Variants in MACIR observed in about 807,000 individuals in gnomAD.
The protein encoded by MACIR is UNC119-binding protein C5orf30.
A neutral mutation model predicts 14.3 loss-of-function variants in MACIR; 4 were observed. The ratio of observed to expected loss-of-function variants is 0.28; its 90% CI spans 0.14 to 0.64. MACIR has a LOEUF of 0.64. MACIR is among the 30% of genes least tolerant of loss of function. The pLI, the probability that MACIR is intolerant of heterozygous loss-of-function variation, is 0.83. For synonymous variants in MACIR, 101 were observed against 102.4 expected (o/e 0.99, Z 0.08); for missense variants, 228 against 257.6 (o/e 0.89, Z 0.79).
chr5:103,262,827 G>T (rs1459399512), intron 1 of MACIR, among the ~76,000 whole-genome samples: 1 of 152,108 alleles, frequency 6.6e-6, no homozygotes, highest in Non-Finnish European at 1.5e-5. Context: ...TTTTTATGCA[G>T]CATTTAGTCT....
intron 1 of MACIR, among the ~76,000 whole-genome samples, chr5:103,264,480 C>A (rs1056053372): frequency 9.2e-5 from 14 of 151,940 alleles, no homozygotes; most frequent in African/African-American, 2.7e-4. Context: ...TGGGGAAATT[C>A]TTTGGGATAA....
intron 1 of MACIR, among the ~76,000 whole-genome samples, chr5:103,263,344 T>C (rs1554236478): frequency 1.3e-5 from 2 of 152,088 alleles, no homozygotes; most frequent in Non-Finnish European, 2.9e-5. Context: ...CTTGTGTTGC[T>C]CCCTTGGACA....
Position 103,276,048 on chromosome 5 carries a change from G to T in MACIR, c.129G>T (p.Pro43=), listed in dbSNP as rs139004073. 1 of 1,613,976 alleles carries T rather than the reference G, an allele frequency of 6.2e-7. No homozygotes were observed. The highest frequency in any genetic ancestry group is 2.2e-5 in the East Asian group (1 of 44,882). Residue 43 remains proline (P), a synonymous_variant, in exon 3 of 3, where the codon CCG becomes CCT. Transcript: ENST00000319933. The stretch of plus-strand genomic sequence containing the variant: ...GCTGCTCCAGCACACCCTGCTCCCC[G>T]ATGCGGAGGACCGTGTCAGGCTACC... ...KPRCSSTPCS[P]MRRTVSGYQI...
intron 2 of MACIR, among the ~76,000 whole-genome samples, chr5:103,266,802 T>G (rs1804937633): frequency 6.6e-6 from 1 of 152,144 alleles, no homozygotes; most frequent in Admixed American, 6.6e-5. Context: ...TTTCTAAATT[T>G]CTAGTCAGCA....
At position 103,277,839 on chromosome 5, in the gene MACIR, G is replaced by A. The variant is rs113949762; in HGVS notation, c.*1299G>A. 0.012 allele frequency: 1,951 copies of A among 166,798 alleles called. 14 individuals are homozygous for A. Among genetic ancestry groups the A allele is most frequent in the Non-Finnish European group, 0.014 (965 of 68,032 alleles). 10.3% of individuals were successfully genotyped at this position (166,798 alleles called of 1,614,324 possible). A position where few individuals can be genotyped will look rare whatever the true frequency, so the allele number is the denominator to read the frequency against. ...AATTTATTACTGAATTGGGATTTCT[G>A]GCAGCACAGAACTGCTTTTTATTTT... On this transcript the variant is annotated 3_prime_UTR_variant, in exon 3 of 3. Coordinates refer to ENST00000319933, the MANE Select transcript of MACIR (RefSeq NM_033211.4).
intron 1 of MACIR, among the ~76,000 whole-genome samples, chr5:103,261,744 G>A (rs571100152): frequency 7.1e-5 from 7 of 98,782 alleles, no homozygotes; most frequent in Admixed American, 6.7e-4. Flanking sequence ...TCTTGAAAAT[G>A]TTTTGGTGGG....
intron 2 of MACIR, among the ~76,000 whole-genome samples, chr5:103,267,241 G>T (rs561260816): frequency 6.6e-6 from 1 of 152,204 alleles, no homozygotes; most frequent in South Asian, 2.1e-4. Context: ...TATAGTATTT[G>T]CCTATAACCT....
At chr5:103,274,250 A>C (rs1298503333) in intron 2 of MACIR, among the ~76,000 whole-genome samples, 1 of 152,080 alleles carries the variant, frequency 6.6e-6, no homozygotes, top group African/African-American at 2.4e-5. Context: ...ATGGCTCTCT[A>C]AAGTTTATTA....
intron 2 of MACIR, among the ~76,000 whole-genome samples, chr5:103,268,956 G>C (rs184603241): frequency 1.3e-5 from 2 of 151,998 alleles, no homozygotes; most frequent in Non-Finnish European, 2.9e-5. Context: ...GCGGTGGCTC[G>C]CACCTGTAAT....
At chr5:103,275,824 C>A in intron 2 of MACIR, 73 bp from the exon 3 acceptor site, 1 of 1,318,484 alleles carries the variant, frequency 7.6e-7, no homozygotes. Context: ...CTCCCTGAGC[C>A]TTCTAAAAGG....
In MACIR at chr5:103,278,193, G is replaced by A. The variant is rs926207838; in HGVS notation, c.*1653G>A. 13 of 166,882 alleles carry A rather than the reference G, an allele frequency of 7.8e-5. No individual in the cohort carries two copies. Among genetic ancestry groups the A allele is most frequent in the East Asian group, 3.8e-4 (2 of 5,204 alleles). The allele number at this position is 166,882 out of a possible 1,614,324, so 10.3% of individuals were successfully genotyped here. On this transcript the variant is annotated 3_prime_UTR_variant, in exon 3 of 3. Coordinates refer to ENST00000319933, the MANE Select transcript of MACIR (RefSeq NM_033211.4). ...CACCTTTGTAACATATTGTATTGAC[G>A]AATGATCACTAAGATTAGCTATATC... is the stretch of plus-strand genomic sequence containing the variant.
Position 103,278,319 on chromosome 5 carries a change from C to T in MACIR, c.*1779C>T, listed in dbSNP as rs1805408894. The stretch of plus-strand genomic sequence containing the variant: ...AACACCATTATTTATTGACAATTTA[C>T]CCTGTGGAACTGTATTATTTCTAAC... On this transcript the variant is annotated 3_prime_UTR_variant, in exon 3 of 3. Transcript: ENST00000319933. 6.0e-6 allele frequency: 1 copy of T among 166,612 alleles called. No homozygotes were observed. The highest frequency in any genetic ancestry group is 2.4e-5 in the African/African-American group (1 of 41,382). 10.3% of individuals were successfully genotyped at this position (166,612 alleles called of 1,614,324 possible).
At chr5:103,263,714 A>G (rs958652482) in intron 1 of MACIR, among the ~76,000 whole-genome samples, 5 of 152,192 alleles carry the variant, frequency 3.3e-5, no homozygotes, top group African/African-American at 1.2e-4. Context: ...GATATTTCTA[A>G]TGTTCCTCCT....
Position 103,276,180 on chromosome 5 carries a change from C to T in MACIR, c.261C>T (p.Ala87=). Residue 87 remains alanine (A), a synonymous_variant, in exon 3 of 3, where the codon GCC becomes GCT. Transcript: ENST00000319933. ...GAGGTGAAGAGAGCAAAGCAGAAGC[C>T]ATGCCATCCTTACGCTCCAAACAGC... The part of the protein sequence containing the change: ...CTGGEESKAE[A]MPSLRSKQLD... 2 of 1,613,822 alleles carry T rather than the reference C, an allele frequency of 1.2e-6. No homozygotes were observed. Among genetic ancestry groups the T allele is most frequent in the Non-Finnish European group, 1.7e-6 (2 of 1,179,964 alleles).
chr5:103,259,871 ACT>A (rs1381215831), intron 1 of MACIR: 1 of 152,128 alleles, frequency 6.6e-6, no homozygotes, highest in African/African-American at 2.4e-5. Flanking sequence ...AAGCTGCCAA[ACT>A]CTCTCTAGTG....
Position 103,276,829 on chromosome 5 carries a change from C to G in MACIR, c.*289C>G, listed in dbSNP as rs927349408. On this transcript the variant is annotated 3_prime_UTR_variant, in exon 3 of 3. Transcript: ENST00000319933. The stretch of plus-strand genomic sequence containing the variant: ...AAAGGCTTTGGTACAGTAATTTCAT[C>G]TTTATGATTCTGACACTCAAATTGG... 4.0e-6 allele frequency: 1 copy of G among 252,882 alleles called. No individual in the cohort carries two copies. The highest frequency in any genetic ancestry group is 8.1e-6 in the Non-Finnish European group (1 of 123,816). The allele number at this position is 252,882 out of a possible 1,614,324, so 15.7% of individuals were successfully genotyped here. A position where few individuals can be genotyped will look rare whatever the true frequency, so the allele number is the denominator to read the frequency against.
intron 1 of MACIR, among the ~76,000 whole-genome samples, chr5:103,260,071 GTGTGTT>G (rs1453499936): frequency 1.0e-3 from 90 of 88,452 alleles, no homozygotes; most frequent in African/African-American, 2.7e-3. Flanking sequence ...GTGTGTGTGT[GTGTGTT>G]TGTGTGTGTG....
At chr5:103,274,259 T>C (rs1368573546) in intron 2 of MACIR, among the ~76,000 whole-genome samples, 11 of 152,108 alleles carry the variant, frequency 7.2e-5, no homozygotes, top group Non-Finnish European at 2.9e-5. Flanking sequence ...TAAAGTTTAT[T>C]AGCTAAGAAG....
chr5:103,271,246 A>G (rs868981343), intron 2 of MACIR, among the ~76,000 whole-genome samples: 1 of 152,136 alleles, frequency 6.6e-6, no homozygotes, highest in Admixed American at 6.5e-5. Flanking sequence ...TGTCAAATTT[A>G]CCACCTGTTT....
Sources: gnomAD v4.1 joint callset for allele counts (sites outside exome capture counted in the v4.1 genomes callset) on GRCh38, gnomAD v4.1.1 for gene constraint, MANE v1.5 for transcripts, NCBI Gene and HGNC (gene_info 2026-07-23, HGNC 2026-07-21) for gene names.